BMPR2: variants seen among roughly 807,000 people sequenced by gnomAD.
BMPR2 encodes bone morphogenetic protein receptor type-2.
BMPR2 carries 29 observed loss-of-function variants against 100.8 expected under a neutral mutation model. That is an observed-to-expected ratio of 0.29 (90% CI 0.21 to 0.39). BMPR2 has a LOEUF of 0.39. Ranked by LOEUF, BMPR2 falls within the 10% of genes least tolerant of loss-of-function variation. BMPR2 has a pLI of 1.00. For missense variants in BMPR2, 1,011 were observed against 1,274.5 expected (o/e 0.79, Z 3.15); for synonymous variants, 382 against 442.3 (o/e 0.86, Z 1.71).
At chr2:202,404,772 C>T (rs183006109) in intron 1 of BMPR2, among the ~76,000 whole-genome samples, 150 of 152,206 alleles carry the variant, frequency 9.9e-4, no homozygotes, top group African/African-American at 3.3e-3. Flanking sequence ...TTTTTCAACC[C>T]GTGCCCTCTT....
At chr2:202,542,554 C>A in intron 10 of BMPR2, 107 bp downstream of exon 10, 1 of 1,309,190 alleles carries the variant, frequency 7.6e-7, no homozygotes, top group Non-Finnish European at 1.1e-6. Flanking sequence ...TTTGGAGTTG[C>A]CTAATGCCAC....
At chr2:202,499,055 G>A (rs181385192) in intron 3 of BMPR2, among the ~76,000 whole-genome samples, 2 of 152,058 alleles carry the variant, frequency 1.3e-5, no homozygotes, top group African/African-American at 2.4e-5. Context: ...AATCTCCAAA[G>A]GACCACAAAA....
intron 1 of BMPR2, among the ~76,000 whole-genome samples, chr2:202,429,309 T>G (rs1691455568): frequency 6.6e-6 from 1 of 150,442 alleles, no homozygotes; most frequent in African/African-American, 2.5e-5. Context: ...TCATGGCACA[T>G]CCATCATCTG....
chr2:202,542,975 G>A (rs946952576), intron 10 of BMPR2, among the ~76,000 whole-genome samples: 3 of 151,722 alleles, frequency 2.0e-5, no homozygotes, highest in Non-Finnish European at 4.4e-5. Flanking sequence ...TCAGGAGTTC[G>A]CGACCAGCCT....
chr2:202,447,824 A>C (rs191395403), intron 1 of BMPR2, among the ~76,000 whole-genome samples: 1 of 150,746 alleles, frequency 6.6e-6, no homozygotes, highest in Non-Finnish European at 1.5e-5. Flanking sequence ...CCATATTTAA[A>C]ATTGTTATTT....
chr2:202,426,732 C>G (rs1344831587), intron 1 of BMPR2, among the ~76,000 whole-genome samples: 2 of 151,854 alleles, frequency 1.3e-5, no homozygotes, highest in African/African-American at 4.8e-5. Flanking sequence ...TATTTAAAAA[C>G]TAGCTGGGCG....
At chr2:202,480,953 TA>T (rs71035011) in intron 3 of BMPR2, among the ~76,000 whole-genome samples, 436 of 43,340 alleles carry the variant, frequency 0.01, 4 homozygotes, top group Middle Eastern at 0.043. Context: ...AGACTCCGTC[TA>T]AAAAAAAAAA....
chr2:202,514,112 G>T (rs944236748), intron 4 of BMPR2, among the ~76,000 whole-genome samples: 7 of 151,566 alleles, frequency 4.6e-5, no homozygotes, highest in African/African-American at 9.7e-5. Context: ...TACAATACAA[G>T]AGCTTTTTTT....
intron 4 of BMPR2, among the ~76,000 whole-genome samples, chr2:202,514,527 G>C (rs1296936356): frequency 6.6e-6 from 1 of 152,102 alleles, no homozygotes; most frequent in South Asian, 2.1e-4. Flanking sequence ...ATGTCAAGTT[G>C]GTTCTAATAT....
At chr2:202,433,636 A>G (rs1261968833) in intron 1 of BMPR2, among the ~76,000 whole-genome samples, 1 of 150,644 alleles carries the variant, frequency 6.6e-6, no homozygotes, top group Non-Finnish European at 1.5e-5. Flanking sequence ...CAGGCCGGGC[A>G]TGATGGCTCA....
At chr2:202,542,245 C>G (rs1375324819) in intron 9 of BMPR2, 66 bp from the exon 10 acceptor site, 3 of 1,576,764 alleles carry the variant, frequency 1.9e-6, no homozygotes. Context: ...CAGAAATACC[C>G]CTGTTATTCT....
intron 1 of BMPR2, among the ~76,000 whole-genome samples, chr2:202,398,314 T>C (rs1344480523): frequency 1.3e-5 from 2 of 152,142 alleles, no homozygotes; most frequent in African/African-American, 4.8e-5. Context: ...CAAAATAATA[T>C]AAAGATTTCC....
intron 1 of BMPR2, among the ~76,000 whole-genome samples, chr2:202,392,463 T>C (rs1690569824): frequency 6.6e-6 from 1 of 152,140 alleles, no homozygotes; most frequent in Non-Finnish European, 1.5e-5. Context: ...AGTGTTACAT[T>C]TGAGTTGAAA....
chr2:202,453,577 TCTTA>T (rs918299045), intron 1 of BMPR2, among the ~76,000 whole-genome samples: 6 of 152,192 alleles, frequency 3.9e-5, no homozygotes, highest in Admixed American at 1.3e-4. Flanking sequence ...TTTTGCATGT[TCTTA>T]CTTGTTTGTG....
Position 202,407,190 on chromosome 2 carries a change from A to G in BMPR2, c.76+29640A>G, listed in dbSNP as rs568061388. Among the ~76,000 whole-genome samples, 19 of 151,566 alleles carry G rather than the reference A, an allele frequency of 1.3e-4. No individual in the cohort carries two copies. In the South Asian group the frequency reaches 4.0e-3, roughly 32 times the overall value. On this transcript the variant is annotated intron_variant, in intron 1 of 12. Coordinates refer to ENST00000374580, the MANE Select transcript of BMPR2 (RefSeq NM_001204.7). Reference sequence around the variant, plus strand: ...ACTCCTGACCTCAAATGATCCGCCTACCTTGGCCTCCCAAAGTGCTGGGAT... The same window carrying G: ...ACTCCTGACCTCAAATGATCCGCCTGCCTTGGCCTCCCAAAGTGCTGGGAT...
chr2:202,417,160 G>T (rs939902316), intron 1 of BMPR2, among the ~76,000 whole-genome samples: 2 of 146,882 alleles, frequency 1.4e-5, no homozygotes, highest in African/African-American at 5.1e-5. Flanking sequence ...TTTTTGAAAT[G>T]GAGTCTCCCT....
intron 5 of BMPR2, 86 bp downstream of exon 5, chr2:202,515,065 C>A: frequency 7.6e-7 from 1 of 1,316,182 alleles, no homozygotes; most frequent in Non-Finnish European, 1.1e-6. Context: ...TTAAGACATT[C>A]ATTCATTTAT....
At chr2:202,428,929 C>G (rs1331744771) in intron 1 of BMPR2, among the ~76,000 whole-genome samples, 1 of 152,040 alleles carries the variant, frequency 6.6e-6, no homozygotes, top group African/African-American at 2.4e-5. Flanking sequence ...GATCCAGACC[C>G]CAAGAGAGGG....
At chr2:202,553,320 T>C (rs1458655931) in intron 11 of BMPR2, among the ~76,000 whole-genome samples, 1 of 152,158 alleles carries the variant, frequency 6.6e-6, no homozygotes. Flanking sequence ...ACACTAAGGT[T>C]TGTAGACTTC....
Sources: allele counts gnomAD v4.1 joint callset (sites outside exome capture counted in the v4.1 genomes callset), GRCh38; gene constraint gnomAD v4.1.1; transcripts MANE v1.5; gene names NCBI Gene and HGNC (gene_info 2026-07-23, HGNC 2026-07-21).